Variants in CMTM7 observed in about 807,000 individuals in gnomAD.
CMTM7 encodes CKLF-like MARVEL transmembrane domain-containing protein 7.
Under a neutral mutation model 19.3 loss-of-function variants are expected in CMTM7, and 7 were observed. The observed-to-expected ratio is 0.36, with a 90% CI of 0.21 to 0.68. CMTM7 has a LOEUF of 0.68. CMTM7 is among the 30% of genes least tolerant of loss of function. The pLI is 0.60. For missense variants in CMTM7, 193 were observed against 232.6 expected, an observed-to-expected ratio of 0.83 and a Z score of 1.11; for synonymous variants, 87 against 99.3, an observed-to-expected ratio of 0.88 and a Z score of 0.74.
At position 32,437,976 on chromosome 3, in the gene CMTM7, G is replaced by A. The variant is rs564654870; in HGVS notation, c.160-3864G>A. 6.6e-5 allele frequency among the ~76,000 whole-genome samples: 10 copies of A among 152,216 alleles called. No individual in the cohort carries two copies. The East Asian group carries it at 7.7e-4, about 12-fold the overall frequency. On this transcript the variant is annotated intron_variant, in intron 1 of 4. Coordinates refer to ENST00000334983, the MANE Select transcript of CMTM7 (RefSeq NM_138410.4). ...ACAGTTCAATATAAAAGAACAAACC[G>A]TTACGAGAGGAGCTAGAAGGCACCT...
At chr3:32,394,559 GA>G (rs1695887597) in intron 1 of CMTM7, among the ~76,000 whole-genome samples, 1 of 152,170 alleles carries the variant, frequency 6.6e-6, no homozygotes, top group African/African-American at 2.4e-5. Flanking sequence ...GTTTCTGAGT[GA>G]ATGTGTGTAC....
intron 1 of CMTM7, among the ~76,000 whole-genome samples, chr3:32,401,636 G>GT (rs1696005357): frequency 6.6e-6 from 1 of 152,264 alleles, no homozygotes; most frequent in African/African-American, 2.4e-5. Flanking sequence ...ACAGCCATCT[G>GT]TTTCCTCCCC....
intron 1 of CMTM7, among the ~76,000 whole-genome samples, chr3:32,427,556 A>G (rs1342736625): frequency 6.6e-6 from 1 of 152,204 alleles, no homozygotes; most frequent in African/African-American, 2.4e-5. Context: ...TAGATTAATG[A>G]AAATCAAATT....
At chr3:32,392,559 G>A (rs896001937) in intron 1 of CMTM7, among the ~76,000 whole-genome samples, 31 of 152,350 alleles carry the variant, frequency 2.0e-4, no homozygotes, top group African/African-American at 6.7e-4. Flanking sequence ...GTGCAGTTTC[G>A]CTCGAAGGAG....
chr3:32,443,351 A>G (rs981266383), intron 2 of CMTM7, among the ~76,000 whole-genome samples: 2 of 151,848 alleles, frequency 1.3e-5, no homozygotes, highest in African/African-American at 2.4e-5. Flanking sequence ...CAATCCTCCC[A>G]CTTTGGCCTC....
intron 1 of CMTM7, among the ~76,000 whole-genome samples, chr3:32,430,284 A>G (rs1696496524): frequency 6.6e-6 from 1 of 152,188 alleles, no homozygotes. Context: ...CAATCATTAC[A>G]TAATGTGTAT....
At chr3:32,452,256 TG>T in intron 3 of CMTM7, 135 bp from the exon 4 acceptor site, 2 of 1,560,100 alleles carry the variant, frequency 1.3e-6, no homozygotes, top group Non-Finnish European at 1.7e-6. Flanking sequence ...ATGAGGTGGT[TG>T]GGTTAGATGA....
Position 32,449,362 on chromosome 3 carries a change from C to T in CMTM7, c.334-92C>T. The T allele has an allele frequency of 1.1e-6, 1 of 882,118 alleles. No homozygotes were observed. Among genetic ancestry groups the T allele is most frequent in the Non-Finnish European group, 1.9e-6 (1 of 512,874 alleles). The allele number at this position is 882,118 out of a possible 1,614,324, so 54.6% of individuals were successfully genotyped here. On this transcript the variant is annotated intron_variant, in intron 2 of 4. Coordinates refer to ENST00000334983, the MANE Select transcript of CMTM7 (RefSeq NM_138410.4). This position sits in a 1 kb window ranked among gnomAD's most constrained non-coding sequence, Gnocchi z 4.5. ...GGAGAAGAGGAAGCGTCACTCTCTC[C>T]CTTTCTTTTCATGTCTTCTGATGCC...
chr3:32,416,720 C>T (rs1391003346), intron 1 of CMTM7, among the ~76,000 whole-genome samples: 3 of 152,132 alleles, frequency 2.0e-5, no homozygotes, highest in African/African-American at 7.2e-5. Flanking sequence ...AATTGCTGGG[C>T]AAGCTCAAAA....
intron 1 of CMTM7, among the ~76,000 whole-genome samples, chr3:32,430,146 T>A (rs538315008): frequency 6.6e-6 from 1 of 152,186 alleles, no homozygotes; most frequent in Non-Finnish European, 1.5e-5. Context: ...AGTAAACTGA[T>A]AGAGTTGTGC....
At chr3:32,447,865 A>G (rs1256556659) in intron 2 of CMTM7, among the ~76,000 whole-genome samples, 4 of 152,210 alleles carry the variant, frequency 2.6e-5, no homozygotes, top group East Asian at 1.9e-4. Flanking sequence ...TTTTAATCCA[A>G]TCTGACCACC....
chr3:32,437,824 G>A (rs2125637999), intron 1 of CMTM7, among the ~76,000 whole-genome samples: 1 of 152,214 alleles, frequency 6.6e-6, no homozygotes, highest in South Asian at 2.1e-4. Context: ...CAGGGAGGTG[G>A]AGGTTGCAGT....
intron 1 of CMTM7, among the ~76,000 whole-genome samples, chr3:32,438,538 G>C (rs1476116696): frequency 6.6e-6 from 1 of 151,738 alleles, no homozygotes; most frequent in African/African-American, 2.4e-5. Context: ...TTTAAAGTTG[G>C]AATGAATGAA....
At chr3:32,398,509 A>G (rs1281550616) in intron 1 of CMTM7, among the ~76,000 whole-genome samples, 1 of 152,156 alleles carries the variant, frequency 6.6e-6, no homozygotes, top group Non-Finnish European at 1.5e-5. Context: ...TCAAATAGAG[A>G]AAATAAACAT....
chr3:32,412,113 G>A (rs792678), intron 1 of CMTM7, among the ~76,000 whole-genome samples: 2 of 151,982 alleles, frequency 1.3e-5, no homozygotes, highest in Admixed American at 1.3e-4. Context: ...GCCAACATCC[G>A]CACCATAGCT....
At chr3:32,402,045 C>T (rs2125620356) in intron 1 of CMTM7, among the ~76,000 whole-genome samples, 1 of 152,352 alleles carries the variant, frequency 6.6e-6, no homozygotes, top group East Asian at 1.9e-4. Flanking sequence ...CCTCCCTCTG[C>T]TGAGCCCGCT....
chr3:32,406,290 A>G (rs1696090275), intron 1 of CMTM7, among the ~76,000 whole-genome samples: 1 of 152,154 alleles, frequency 6.6e-6, no homozygotes, highest in South Asian at 2.1e-4. Flanking sequence ...TTTGTTATCT[A>G]GCCGTGCTGT....
chr3:32,411,936 G>A (rs1045030022), intron 1 of CMTM7, among the ~76,000 whole-genome samples: 1 of 152,172 alleles, frequency 6.6e-6, no homozygotes, highest in Non-Finnish European at 1.5e-5. Flanking sequence ...AGGGAAAGGT[G>A]GAAGGGTGTC....
chr3:32,406,705 T>C (rs1252205984), intron 1 of CMTM7, among the ~76,000 whole-genome samples: 2 of 152,176 alleles, frequency 1.3e-5, no homozygotes, highest in Non-Finnish European at 1.5e-5. Context: ...CTAGTAGATA[T>C]GGGGATTCTT....
Sources: allele counts gnomAD v4.1 joint callset (sites outside exome capture counted in the v4.1 genomes callset), GRCh38; gene constraint gnomAD v4.1.1; non-coding constraint Gnocchi (gnomAD v3.1); transcripts MANE v1.5; gene names NCBI Gene and HGNC (gene_info 2026-07-23, HGNC 2026-07-21).